Variants in TESPA1 observed in about 807,000 individuals in gnomAD.
The protein encoded by TESPA1 is thymocyte expressed, positive selection associated 1.
Under a neutral mutation model 57.9 loss-of-function variants are expected in TESPA1, and 33 were observed. The ratio of observed to expected loss-of-function variants is 0.57; its 90% CI spans 0.43 to 0.76. TESPA1 has a LOEUF of 0.76. TESPA1 is among the 30% of genes least tolerant of loss of function. TESPA1 has a pLI of 0.00. For missense variants in TESPA1, 618 were observed against 632.9 expected (o/e 0.98, Z 0.25); for synonymous variants, 227 against 228.9 (o/e 0.99, Z 0.07).
rs1250319592 is a variant in TESPA1, at chr12:54,948,741, T to G, written c.*1651A>C. 3 of 152,408 alleles carry G rather than the reference T, an allele frequency of 2.0e-5. No individual in the cohort carries two copies. Among genetic ancestry groups the G allele is most frequent in the African/African-American group, 7.2e-5 (3 of 41,454 alleles). The allele number at this position is 152,408 out of a possible 1,614,324, so 9.4% of individuals were successfully genotyped here. A position where few individuals can be genotyped will look rare whatever the true frequency, so the allele number is the denominator to read the frequency against. Reference sequence around the variant, plus strand: ...AAATTACCCAGTCTCAGGTATTTATTTATAGCAGTGTGAGAATGGACTAAT... The same window carrying G: ...AAATTACCCAGTCTCAGGTATTTATGTATAGCAGTGTGAGAATGGACTAAT... On this transcript the variant is annotated 3_prime_UTR_variant, in exon 11 of 11. Transcript: ENST00000449076.
In TESPA1 at chr12:54,962,854, A is replaced by C. The variant is rs767410229; in HGVS notation, c.1044T>G (p.Ala348=). 6.2e-7 allele frequency: 1 copy of C among 1,613,912 alleles called. No individual in the cohort carries two copies. The highest frequency in any genetic ancestry group is 8.5e-7 in the Non-Finnish European group (1 of 1,179,818). ...GAGAAGTGGGCAACTTCTTACCCTC[A>C]GCAGGGGGCACAGGATCTTCCTGTG... is the stretch of plus-strand genomic sequence containing the variant. ...QFSQEDPVPP[A]EGKKLPTSPY... is the part of the protein sequence containing the mutation. Residue 348 remains alanine, a synonymous_variant, in exon 9 of 11, where the codon GCT becomes GCG. Transcript: ENST00000449076.
Position 54,967,484 on chromosome 12 carries a change from A to G in TESPA1, c.257-248T>C, listed in dbSNP as rs1951520323. Among the ~76,000 whole-genome samples, 7 of 151,766 alleles carry G rather than the reference A, an allele frequency of 4.6e-5. 2 individuals carry two copies. The highest frequency in any genetic ancestry group is 4.6e-4 in the Admixed American group (7 of 15,208). ...TCACCTATAACCTTTCCCCTATATC[A>G]CATAGTTATGTACACAATCCCCTGC... On this transcript the variant is annotated intron_variant, in intron 4 of 10. Transcript: ENST00000449076.
chr12:54,955,928 T>A (rs17116695), intron 10 of TESPA1, among the ~76,000 whole-genome samples: 31,143 of 152,042 alleles, frequency 0.2, 5,431 homozygotes, highest in East Asian at 0.84. Context: ...CACATCTGAC[T>A]GTCCCTCTTC....
At chr12:54,965,553 C>T (rs1019180714) in intron 7 of TESPA1, among the ~76,000 whole-genome samples, 2 of 152,140 alleles carry the variant, frequency 1.3e-5, no homozygotes, top group East Asian at 1.9e-4. Context: ...GCCTAGTATT[C>T]GTGTATATGA....
At chr12:54,969,285 G>T (rs7968620) in intron 3 of TESPA1, among the ~76,000 whole-genome samples, 7 of 151,388 alleles carry the variant, frequency 4.6e-5, no homozygotes, top group Non-Finnish European at 1.0e-4. Flanking sequence ...ATTACATAAA[G>T]TATGTTGTGG....
At chr12:54,969,445 C>T (rs1183469371) in intron 3 of TESPA1, among the ~76,000 whole-genome samples, 4 of 151,936 alleles carry the variant, frequency 2.6e-5, no homozygotes, top group Admixed American at 2.6e-4. Context: ...CTACTAAGGC[C>T]TACTATTACT....
chr12:54,967,867 C>T lies in TESPA1; in HGVS notation c.232G>A (p.Glu78Lys). The T allele has an allele frequency of 1.9e-6, 3 of 1,613,724 alleles. No homozygotes were observed. The East Asian group carries it at 6.7e-5, about 36-fold the overall frequency. Reference sequence around the variant, plus strand: ...CCATTGTAGATAAACTGTCCTGCTTCCTCAGAAAATCCTTCTTCAGAGTAT... The same window carrying T: ...CCATTGTAGATAAACTGTCCTGCTTTCTCAGAAAATCCTTCTTCAGAGTAT... ...CGYSEEGFSEEAGQFIYNGFC... is the reference protein window; with the variant it reads ...CGYSEEGFSEKAGQFIYNGFC... The change falls in exon 4 of 11, where the codon GAA becomes AAA. Residue 78 changes from glutamate (E) to lysine (K), a missense_variant. Physicochemically the swap from Glu to Lys is moderately conservative, Grantham distance 56. Coordinates refer to ENST00000449076, the MANE Select transcript of TESPA1 (RefSeq NM_001136030.3).
At chr12:54,964,625 T>A (rs542432547) in intron 7 of TESPA1, among the ~76,000 whole-genome samples, 8 of 152,364 alleles carry the variant, frequency 5.3e-5, no homozygotes, top group African/African-American at 1.9e-4. Context: ...ACAGTGAGGC[T>A]AAGGGAAGCT....
intron 4 of TESPA1, 150 bp from the exon 5 acceptor site, chr12:54,967,386 A>G (rs1005327083): frequency 1.2e-6 from 1 of 845,216 alleles, no homozygotes; most frequent in Non-Finnish European, 1.9e-6. Flanking sequence ...CGTTTGTCAA[A>G]TTACCACAAA....
At position 54,966,106 on chromosome 12, in the gene TESPA1, G is replaced by A; in HGVS notation, c.393C>T (p.Gly131=). Residue 131 remains glycine (G), a synonymous_variant, in exon 7 of 11, where the codon GGC becomes GGT. Coordinates refer to ENST00000449076, the MANE Select transcript of TESPA1 (RefSeq NM_001136030.3). ...TCATGCTGCTGGAAGCCAAACTACAGCCAAGATCAAGTAGCTGGCAAGGCC... is the reference window on the plus strand; with the variant it reads ...TCATGCTGCTGGAAGCCAAACTACAACCAAGATCAAGTAGCTGGCAAGGCC... ...TARPCQLLDL[G]CSLASSSMTG... is the part of the protein sequence containing the mutation. 6.3e-7 allele frequency: 1 copy of A among 1,577,786 alleles called. No individual in the cohort carries two copies. The highest frequency in any genetic ancestry group is 8.6e-7 in the Non-Finnish European group (1 of 1,160,724).
At chr12:54,966,490 C>T in intron 5 of TESPA1, 66 bp from the exon 6 acceptor site, 1 of 1,568,604 alleles carries the variant, frequency 6.4e-7, no homozygotes, top group Non-Finnish European at 8.7e-7. Context: ...TGTGTTGCCC[C>T]TCTGAACCTA....
rs989218869 is a variant in TESPA1 at position 54,968,013 on chromosome 12, G to T, written c.207-121C>A. The stretch of plus-strand genomic sequence containing the variant: ...AGTGAGAGTCAGTAGTATTTAATTT[G>T]CTTTTATGTTGGAGAAAACAAAGAC... On this transcript the variant is annotated intron_variant, in intron 3 of 10. Coordinates refer to ENST00000449076, the MANE Select transcript of TESPA1 (RefSeq NM_001136030.3). The T allele has an allele frequency of 7.1e-6, 11 of 1,543,754 alleles. No individual in the cohort carries two copies. The African/African-American group carries it at 1.4e-4, about 19-fold the overall frequency.
intron 1 of TESPA1, among the ~76,000 whole-genome samples, chr12:54,979,089 C>T (rs890956824): frequency 2.0e-5 from 3 of 152,158 alleles, no homozygotes; most frequent in Middle Eastern, 3.2e-3. Flanking sequence ...CATTTTTGCA[C>T]AGTTAGTGAA....
At chr12:54,970,320 T>A (rs1951752593) in intron 3 of TESPA1, among the ~76,000 whole-genome samples, 1 of 152,262 alleles carries the variant, frequency 6.6e-6, no homozygotes, top group Admixed American at 6.5e-5. Flanking sequence ...AAAATGTTAC[T>A]GATATGTATG....
At chr12:54,977,375 T>G (rs1253325252) in intron 1 of TESPA1, among the ~76,000 whole-genome samples, 3 of 152,178 alleles carry the variant, frequency 2.0e-5, no homozygotes, top group Non-Finnish European at 4.4e-5. Context: ...CTGGTAACTA[T>G]GTGCTTACTA....
At position 54,963,062 on chromosome 12, in the gene TESPA1, G is replaced by T. The variant is rs2136105605; in HGVS notation, c.836C>A (p.Pro279His). 1 of 1,613,924 alleles carries T rather than the reference G, an allele frequency of 6.2e-7. No individual in the cohort carries two copies. Among genetic ancestry groups the T allele is most frequent in the East Asian group, 2.2e-5 (1 of 44,874 alleles). Residue 279 changes from proline to histidine, a missense_variant, in exon 9 of 11, where the codon CCC becomes CAC. Pro to His is a moderately conservative substitution (Grantham distance 77). Around this residue, in one of 3 missense-constraint regions of TESPA1, gnomAD observed 409 missense variants for 420.1 expected, o/e 0.97. Transcript: ENST00000449076. The stretch of plus-strand genomic sequence containing the variant: ...GATGGCTTTCCGAAGGCGGTCTCTG[G>T]GTGACTGGGGTTCAGGCTCTCGGGA... ...ILSREPEPQSPRDRLRKAISK... is the reference protein window; with the variant it reads ...ILSREPEPQSHRDRLRKAISK...
In TESPA1 at chr12:54,967,995, G is replaced by A. The variant is rs1292749937; in HGVS notation, c.207-103C>T. 1.9e-6 allele frequency: 3 copies of A among 1,569,960 alleles called. No homozygotes were observed. The Admixed American group carries it at 5.5e-5, about 29-fold the overall frequency. On this transcript the variant is annotated intron_variant, in intron 3 of 10. Coordinates refer to ENST00000449076, the MANE Select transcript of TESPA1 (RefSeq NM_001136030.3). ...ATATTCATATTCTTTTCCAGTGAGAGTCAGTAGTATTTAATTTGCTTTTAT... is the reference window on the plus strand; with the variant it reads ...ATATTCATATTCTTTTCCAGTGAGAATCAGTAGTATTTAATTTGCTTTTAT...
At chr12:54,957,957 A>G (rs1231374264) in intron 10 of TESPA1, among the ~76,000 whole-genome samples, 2 of 152,232 alleles carry the variant, frequency 1.3e-5, no homozygotes, top group African/African-American at 4.8e-5. Context: ...TCAATAAAAT[A>G]CAGCATTTTA....
In TESPA1 at chr12:54,967,193, C is replaced by G; in HGVS notation, c.300G>C (p.Leu100=). The G allele has an allele frequency of 6.2e-7, 1 of 1,613,100 alleles. No individual in the cohort carries two copies. The highest frequency in any genetic ancestry group is 1.1e-5 in the South Asian group (1 of 90,894). The stretch of plus-strand genomic sequence containing the variant: ...AACTGTGCCACTTACCCTCCGCTCC[C>G]AGGGTCAAGTCATCTTCAAAGCTGG... ...HGTSFEDDLT[L]GAEATLLAAN... is the part of the protein sequence containing the mutation. Residue 100 remains leucine, a synonymous_variant, in exon 5 of 11, where the codon CTG becomes CTC. Coordinates refer to ENST00000449076, the MANE Select transcript of TESPA1 (RefSeq NM_001136030.3).
Sources: allele counts gnomAD v4.1 joint callset (sites outside exome capture counted in the v4.1 genomes callset), GRCh38; gene constraint gnomAD v4.1.1; regional missense constraint gnomAD v4.1.1; transcripts MANE v1.5; gene names NCBI Gene and HGNC (gene_info 2026-07-23, HGNC 2026-07-21).